Variants in SPOPL observed in about 807,000 individuals in gnomAD.
The protein encoded by SPOPL is speckle-type POZ protein-like.
SPOPL carries 23 observed loss-of-function variants against 53.8 expected under a neutral mutation model. That is an observed-to-expected ratio of 0.43 (90% CI 0.31 to 0.61). The LOEUF is 0.61. Among genes scored for constraint, SPOPL ranks in the 20% least tolerant of loss-of-function variants. SPOPL has a pLI of 0.12. For synonymous variants in SPOPL, 164 were observed against 149.7 expected (o/e 1.10, Z -0.70); for missense variants, 442 against 466.9 (o/e 0.95, Z 0.49).
chr2:138,520,635 T>C (rs1684535912), intron 1 of SPOPL, among the ~76,000 whole-genome samples: 1 of 152,188 alleles, frequency 6.6e-6, no homozygotes, highest in African/African-American at 2.4e-5. Flanking sequence ...CTACATGGCC[T>C]ACATTAGTGT....
intron 1 of SPOPL, among the ~76,000 whole-genome samples, chr2:138,507,240 C>G (rs1684233452): frequency 6.6e-6 from 1 of 152,064 alleles, no homozygotes; most frequent in East Asian, 1.9e-4. Flanking sequence ...CCATATCTGT[C>G]TTCCTGAGTT....
intron 1 of SPOPL, among the ~76,000 whole-genome samples, chr2:138,516,652 T>C (rs1684443609): frequency 1.3e-5 from 2 of 152,102 alleles, no homozygotes; most frequent in South Asian, 4.1e-4. Context: ...GGAACCTAAC[T>C]ACCAGTAGAA....
At chr2:138,556,857 C>T (rs953228304) in intron 5 of SPOPL, among the ~76,000 whole-genome samples, 6 of 151,940 alleles carry the variant, frequency 3.9e-5, no homozygotes, top group East Asian at 1.9e-4. Flanking sequence ...TACGAAGAGC[C>T]GTAAAGAAAG....
At chr2:138,521,613 G>A (rs1314010267) in intron 1 of SPOPL, among the ~76,000 whole-genome samples, 1 of 152,120 alleles carries the variant, frequency 6.6e-6, no homozygotes, top group African/African-American at 2.4e-5. Context: ...GCAGTAAACA[G>A]AGGCTCTAAA....
chr2:138,518,132 C>CT (rs1344642379), intron 1 of SPOPL, among the ~76,000 whole-genome samples: 1 of 148,782 alleles, frequency 6.7e-6, no homozygotes, highest in East Asian at 2.0e-4. Flanking sequence ...GCAAATGACT[C>CT]TATTATGATT....
chr2:138,515,118 A>G (rs1684411120), intron 1 of SPOPL, among the ~76,000 whole-genome samples: 1 of 152,212 alleles, frequency 6.6e-6, no homozygotes, highest in Non-Finnish European at 1.5e-5. Context: ...TTTAAGGAAA[A>G]TGAGACGGTC....
At chr2:138,513,267 A>G (rs1684366143) in intron 1 of SPOPL, among the ~76,000 whole-genome samples, 1 of 152,210 alleles carries the variant, frequency 6.6e-6, no homozygotes, top group Non-Finnish European at 1.5e-5. Flanking sequence ...AAAATTTAAA[A>G]ATTAGGCCGG....
chr2:138,502,156 A>G (rs1466515606), intron 1 of SPOPL, 37 bp downstream of exon 1: 1 of 136,836 alleles, frequency 7.3e-6, no homozygotes, highest in African/African-American at 2.8e-5. Context: ...TCCCCGCGGC[A>G]GCCCCAGGCG....
At chr2:138,531,712 C>T (rs1189924052) in intron 1 of SPOPL, among the ~76,000 whole-genome samples, 2 of 151,992 alleles carry the variant, frequency 1.3e-5, no homozygotes, top group African/African-American at 2.4e-5. Context: ...GTAGTAATTT[C>T]AGTTGTTTTC....
At chr2:138,534,014 C>A (rs1270773981) in intron 1 of SPOPL, among the ~76,000 whole-genome samples, 1 of 151,918 alleles carries the variant, frequency 6.6e-6, no homozygotes, top group East Asian at 1.9e-4. Flanking sequence ...TTTTTTTTAA[C>A]CCTACTTTGC....
At chr2:138,548,021 C>T (rs1685235228) in intron 1 of SPOPL, among the ~76,000 whole-genome samples, 1 of 151,958 alleles carries the variant, frequency 6.6e-6, no homozygotes, top group Non-Finnish European at 1.5e-5. Context: ...TAATCATTTT[C>T]CTAGGATGTA....
chr2:138,549,342 G>A (rs562282168), intron 1 of SPOPL, among the ~76,000 whole-genome samples: 1 of 152,074 alleles, frequency 6.6e-6, no homozygotes, highest in South Asian at 2.1e-4. Context: ...TGGTAGCATA[G>A]GGTTCTGCAG....
At chr2:138,525,663 A>AAAAAAAAC (rs1553468796) in intron 1 of SPOPL, among the ~76,000 whole-genome samples, 3,338 of 130,414 alleles carry the variant, frequency 0.026, 93 homozygotes, top group Non-Finnish European at 0.036. Context: ...GTAGAAAAAA[A>AAAAAAAAC]AAAAAAAAAA....
intron 1 of SPOPL, among the ~76,000 whole-genome samples, chr2:138,525,420 C>T (rs1684649476): frequency 6.6e-6 from 1 of 152,146 alleles, no homozygotes; most frequent in Admixed American, 6.5e-5. Context: ...ACAAGTGTTT[C>T]ACATGAGCTG....
intron 1 of SPOPL, among the ~76,000 whole-genome samples, chr2:138,517,463 G>A (rs747090638): frequency 1.3e-5 from 2 of 152,104 alleles, no homozygotes; most frequent in East Asian, 1.9e-4. Flanking sequence ...ATTTCTTGCC[G>A]GGTGCGGTGA....
intron 1 of SPOPL, among the ~76,000 whole-genome samples, chr2:138,537,282 C>T (rs1453254393): frequency 6.6e-6 from 1 of 152,038 alleles, no homozygotes; most frequent in Non-Finnish European, 1.5e-5. Flanking sequence ...AATTTCTGTC[C>T]CTTTTAAGGG....
intron 1 of SPOPL, among the ~76,000 whole-genome samples, chr2:138,544,351 CAG>C (rs1685143409): frequency 6.6e-6 from 1 of 152,212 alleles, no homozygotes; most frequent in Non-Finnish European, 1.5e-5. Flanking sequence ...CAGAGGCAAA[CAG>C]GCCTCCTTGA....
chr2:138,510,119 C>T (rs1033281093), intron 1 of SPOPL, among the ~76,000 whole-genome samples: 1 of 152,158 alleles, frequency 6.6e-6, no homozygotes, highest in African/African-American at 2.4e-5. Flanking sequence ...TATCCATTGA[C>T]CTACTAAAGG....
intron 1 of SPOPL, among the ~76,000 whole-genome samples, chr2:138,510,033 T>TA (rs1684295233): frequency 6.6e-6 from 1 of 152,232 alleles, no homozygotes; most frequent in Non-Finnish European, 1.5e-5. Context: ...AAGTTTCCTC[T>TA]ATGTCTTTTC....
Sources: gnomAD v4.1 joint callset for allele counts (sites outside exome capture counted in the v4.1 genomes callset) on GRCh38, gnomAD v4.1.1 for gene constraint, MANE v1.5 for transcripts, NCBI Gene and HGNC (gene_info 2026-07-23, HGNC 2026-07-21) for gene names.